The following XRCC4 variants were observed in gnomAD, a reference collection of about 807,000 sequenced individuals.
XRCC4 encodes the protein DNA repair protein XRCC4.
Under a neutral mutation model 39.1 loss-of-function variants are expected in XRCC4, and 28 were observed. The observed-to-expected ratio is 0.72, with a 90% CI of 0.53 to 0.98. XRCC4 has a LOEUF of 0.98. Ranked by LOEUF, XRCC4 falls within the 50% of genes least tolerant of loss-of-function variation. The pLI, the probability that XRCC4 is intolerant of heterozygous loss-of-function variation, is 0.00. For synonymous variants in XRCC4, 123 were observed against 126.4 expected (o/e 0.97, Z 0.18); for missense variants, 350 against 376.4 (o/e 0.93, Z 0.58).
At chr5:83,278,031 C>T (rs761812626) in intron 7 of XRCC4, among the ~76,000 whole-genome samples, 19 of 152,124 alleles carry the variant, frequency 1.2e-4, no homozygotes, top group Non-Finnish European at 2.6e-4. Context: ...TTGTTATTTA[C>T]AGAGCTATTC....
At chr5:83,146,076 C>T (rs557390248) in intron 3 of XRCC4, among the ~76,000 whole-genome samples, 1 of 152,246 alleles carries the variant, frequency 6.6e-6, no homozygotes, top group South Asian at 2.1e-4. Context: ...GGTACTGTGA[C>T]CTAATTCCTT....
downstream of XRCC4, among the ~76,000 whole-genome samples, chr5:83,356,148 A>G (rs2112245424): frequency 6.6e-6 from 1 of 152,260 alleles, no homozygotes; most frequent in Middle Eastern, 3.4e-3. Context: ...AATTCTACTC[A>G]GTCACTTTGG....
chr5:83,134,672 AG>A (rs1274801169), intron 3 of XRCC4, among the ~76,000 whole-genome samples: 3 of 152,218 alleles, frequency 2.0e-5, no homozygotes, highest in Admixed American at 6.5e-5. Context: ...AACCTGAGCC[AG>A]CAGCAGCAAC....
intron 7 of XRCC4, among the ~76,000 whole-genome samples, chr5:83,298,969 G>A (rs1033876388): frequency 4.0e-5 from 6 of 151,638 alleles, no homozygotes; most frequent in East Asian, 1.9e-4. Context: ...CATTCTTATT[G>A]TTATTTTATA....
At chr5:83,349,284 T>C (rs1757010600) in intron 7 of XRCC4, among the ~76,000 whole-genome samples, 1 of 152,192 alleles carries the variant, frequency 6.6e-6, no homozygotes, top group African/African-American at 2.4e-5. Context: ...GGATTACAGT[T>C]CAAAAAGAGA....
At chr5:83,302,966 A>G (rs922593499) in intron 7 of XRCC4, among the ~76,000 whole-genome samples, 1 of 152,204 alleles carries the variant, frequency 6.6e-6, no homozygotes, top group African/African-American at 2.4e-5. Context: ...TAATCCCAGC[A>G]CTTTGGGAAG....
rs187652990 is a variant in XRCC4 at position 83,325,759 on chromosome 5, G to T, written c.894-27372G>T. Among the ~76,000 whole-genome samples, 329 of 152,124 alleles carry T rather than the reference G, an allele frequency of 2.2e-3. 3 individuals carry two copies. In the Middle Eastern group the frequency reaches 0.041, roughly 19 times the overall value. ...TGTCTTTGCTATTGTGAATAGTGCT[G>T]CAATGAACATATGCATGCATGTATC... On this transcript the variant is annotated intron_variant, in intron 7 of 7. Coordinates refer to ENST00000396027, the MANE Select transcript of XRCC4 (RefSeq NM_003401.5).
At chr5:83,218,207 A>T (rs775749619) in intron 6 of XRCC4, among the ~76,000 whole-genome samples, 25 of 132,410 alleles carry the variant, frequency 1.9e-4, no homozygotes, top group Non-Finnish European at 3.4e-4. Context: ...TACTAATGCT[A>T]TCCCTCCCCC....
At chr5:83,245,451 AAT>A (rs1239475186) in intron 6 of XRCC4, among the ~76,000 whole-genome samples, 1 of 152,094 alleles carries the variant, frequency 6.6e-6, no homozygotes, top group Non-Finnish European at 1.5e-5. Context: ...ATTGTCTGAA[AAT>A]ATAAACAAAA....
chr5:83,165,293 G>A (rs1399449201), intron 3 of XRCC4, among the ~76,000 whole-genome samples: 1 of 145,704 alleles, frequency 6.9e-6, no homozygotes, highest in Admixed American at 6.8e-5. Flanking sequence ...TAATAAACAT[G>A]TCTCTGATTA....
chr5:83,258,795 A>G, intron 7 of XRCC4, 118 bp downstream of exon 7: 4 of 1,174,632 alleles, frequency 3.4e-6, no homozygotes, highest in Admixed American at 6.0e-5. Context: ...AGAAAATGTC[A>G]TTTTGGAATT....
At position 83,353,289 on chromosome 5, in the gene XRCC4, C is replaced by G. The variant is rs1487720553; in HGVS notation, c.*47C>G. The G allele has an allele frequency of 7.2e-7, 1 of 1,394,178 alleles. No homozygotes were observed. Among genetic ancestry groups the G allele is most frequent in the East Asian group, 2.4e-5 (1 of 41,180 alleles). 86.4% of individuals were successfully genotyped at this position (1,394,178 alleles called of 1,614,324 possible). On this transcript the variant is annotated 3_prime_UTR_variant, in exon 8 of 8. Transcript: ENST00000396027. ...TGTTCACTAGACTATGTTTTCTATT[C>G]ATTTCTTTAAAATGAAAAAGGAGAA...
chr5:83,107,146 C>G (rs560532556), intron 2 of XRCC4, among the ~76,000 whole-genome samples: 26 of 152,046 alleles, frequency 1.7e-4, no homozygotes, highest in Admixed American at 1.6e-3. Flanking sequence ...TCAAAAATAT[C>G]TAATAGTGTT....
chr5:83,233,473 C>T (rs562009388), intron 6 of XRCC4, among the ~76,000 whole-genome samples: 10 of 152,050 alleles, frequency 6.6e-5, no homozygotes, highest in South Asian at 2.1e-4. Context: ...ATATGTTGAT[C>T]GTTTCCTTAC....
intron 7 of XRCC4, among the ~76,000 whole-genome samples, chr5:83,293,941 T>A (rs1317231232): frequency 6.6e-6 from 1 of 152,076 alleles, no homozygotes; most frequent in East Asian, 1.9e-4. Context: ...AAGTTGGTTT[T>A]ATTTTAAAAA....
chr5:83,165,099 C>A (rs531463173), intron 3 of XRCC4, among the ~76,000 whole-genome samples: 1 of 151,806 alleles, frequency 6.6e-6, no homozygotes, highest in South Asian at 2.1e-4. Context: ...CAGCTTTGAA[C>A]AAACATTAAA....
downstream of XRCC4, among the ~76,000 whole-genome samples, chr5:83,354,435 C>T (rs950375517): frequency 3.3e-5 from 5 of 152,000 alleles, no homozygotes; most frequent in Non-Finnish European, 7.4e-5. Flanking sequence ...TCCAAAATTA[C>T]GTAGTTTTCT....
At chr5:83,194,711 C>T (rs1750864690) in intron 3 of XRCC4, among the ~76,000 whole-genome samples, 1 of 152,160 alleles carries the variant, frequency 6.6e-6, no homozygotes, top group Non-Finnish European at 1.5e-5. Flanking sequence ...CTCAGTGCTA[C>T]CAGCATCTTT....
intron 7 of XRCC4, among the ~76,000 whole-genome samples, chr5:83,336,673 G>A (rs1213247322): frequency 1.3e-5 from 2 of 152,100 alleles, no homozygotes; most frequent in East Asian, 1.9e-4. Context: ...TGAAGCGTAG[G>A]TTAATAGAAA....
Sources: gnomAD v4.1 joint callset for allele counts (sites outside exome capture counted in the v4.1 genomes callset) on GRCh38, gnomAD v4.1.1 for gene constraint, MANE v1.5 for transcripts, NCBI Gene and HGNC (gene_info 2026-07-23, HGNC 2026-07-21) for gene names.